The following SEMA5A variants were observed in gnomAD, a reference collection of about 807,000 sequenced individuals.
The protein encoded by SEMA5A is semaphorin 5A, also known as semaphorin-5A.
SEMA5A carries 55 observed loss-of-function variants against 135.5 expected under a neutral mutation model. That is an observed-to-expected ratio of 0.41 (90% CI 0.33 to 0.51). The LOEUF is 0.51. Ranked by LOEUF, SEMA5A falls within the 20% of genes least tolerant of loss-of-function variation. The pLI, the probability that SEMA5A is intolerant of heterozygous loss-of-function variation, is 0.37. For missense variants in SEMA5A, 1,290 were observed against 1,419.9 expected, an observed-to-expected ratio of 0.91 and a Z score of 1.47; for synonymous variants, 580 against 546.5, an observed-to-expected ratio of 1.06 and a Z score of -0.85.
intron 5 of SEMA5A, among the ~76,000 whole-genome samples, chr5:9,239,676 C>G (rs971143617): frequency 7.9e-5 from 12 of 151,838 alleles, no homozygotes; most frequent in African/African-American, 2.9e-4. Context: ...ATTCTTTCAG[C>G]AGAGTAAAAC....
intron 16 of SEMA5A, among the ~76,000 whole-genome samples, chr5:9,071,826 T>C (rs1737784320): frequency 6.6e-6 from 1 of 152,230 alleles, no homozygotes; most frequent in African/African-American, 2.4e-5. Context: ...AAGTTCTCTT[T>C]CAGTAACTAA....
At chr5:9,313,696 G>A (rs534417798) in intron 5 of SEMA5A, among the ~76,000 whole-genome samples, 2 of 152,200 alleles carry the variant, frequency 1.3e-5, no homozygotes, top group African/African-American at 2.4e-5. Context: ...TGCCTCAGAG[G>A]GTCACCAGCC....
chr5:9,125,966 T>A (rs1560940993), intron 13 of SEMA5A, among the ~76,000 whole-genome samples: 1 of 152,172 alleles, frequency 6.6e-6, no homozygotes. Context: ...TGCTTACACA[T>A]CCTCGCCTGC....
intron 11 of SEMA5A, among the ~76,000 whole-genome samples, chr5:9,156,465 G>A (rs2619925): frequency 0.81 from 122,597 of 152,134 alleles, 49,635 homozygotes; most frequent in East Asian, 0.97. Context: ...CAGCCTTCCT[G>A]TGGAGCAGTG....
At chr5:9,113,469 C>T (rs928258818) in intron 15 of SEMA5A, among the ~76,000 whole-genome samples, 2 of 152,002 alleles carry the variant, frequency 1.3e-5, no homozygotes, top group Non-Finnish European at 2.9e-5. Flanking sequence ...ACCACACACA[C>T]AAAAAAGAAA....
chr5:9,181,248 C>T (rs1461438258), intron 11 of SEMA5A, among the ~76,000 whole-genome samples: 2 of 152,172 alleles, frequency 1.3e-5, no homozygotes, highest in Non-Finnish European at 2.9e-5. Context: ...TGAAATGATG[C>T]CCATTGGCAG....
chr5:9,184,307 T>C (rs767992228), intron 11 of SEMA5A, among the ~76,000 whole-genome samples: 3 of 152,050 alleles, frequency 2.0e-5, no homozygotes, highest in Non-Finnish European at 1.5e-5. Flanking sequence ...ATTCTTGGAA[T>C]TTAAAAACTT....
At chr5:9,492,592 T>C (rs1735075704) in intron 1 of SEMA5A, among the ~76,000 whole-genome samples, 1 of 152,230 alleles carries the variant, frequency 6.6e-6, no homozygotes. Flanking sequence ...ATCATCTCCC[T>C]AATGTTTGCA....
chr5:9,209,109 T>A (rs1268097199), intron 8 of SEMA5A, among the ~76,000 whole-genome samples: 1 of 152,216 alleles, frequency 6.6e-6, no homozygotes, highest in Non-Finnish European at 1.5e-5. Flanking sequence ...TTCCCCTAAA[T>A]GAGAAGCACC....
intron 2 of SEMA5A, among the ~76,000 whole-genome samples, chr5:9,393,681 T>C (rs1756263839): frequency 6.6e-6 from 1 of 152,218 alleles, no homozygotes; most frequent in African/African-American, 2.4e-5. Flanking sequence ...AAAAATGCTT[T>C]ATAAATCTTG....
In SEMA5A at chr5:9,108,232, G is replaced by T; in HGVS notation, c.1981C>A (p.Pro661Thr). The T allele has an allele frequency of 6.2e-7, 1 of 1,614,142 alleles. No homozygotes were observed. Among genetic ancestry groups the T allele is most frequent in the Non-Finnish European group, 8.5e-7 (1 of 1,180,036 alleles). Residue 661 changes from proline to threonine, a missense_variant, in exon 16 of 23, where the codon CCT (proline) becomes ACT (threonine). This residue lies in a region of SEMA5A where 1,029 missense variants were observed against 1,086.6 expected (regional missense o/e 0.95). Coordinates refer to ENST00000382496, the MANE Select transcript of SEMA5A (RefSeq NM_003966.3). Reference sequence around the variant, plus strand: ...CATTGGGCTGTGCACCGTTCCCAAGGACCCCAGCCTGTCCAGAACATGTGT... The same window carrying T: ...CATTGGGCTGTGCACCGTTCCCAAGTACCCCAGCCTGTCCAGAACATGTGT... Reference protein sequence around the residue: ...PPHMFWTGWGPWERCTAQCGG... With the variant: ...PPHMFWTGWGTWERCTAQCGG...
chr5:9,160,449 T>C (rs779529401), intron 11 of SEMA5A, among the ~76,000 whole-genome samples: 1 of 152,152 alleles, frequency 6.6e-6, no homozygotes, highest in Non-Finnish European at 1.5e-5. Flanking sequence ...GTAGAAGTTA[T>C]GTGTATAATT....
intron 1 of SEMA5A, among the ~76,000 whole-genome samples, chr5:9,528,604 A>G (rs1737266394): frequency 6.6e-6 from 1 of 152,176 alleles, no homozygotes. Context: ...GTCCACTTCC[A>G]GTATCGAAGC....
At chr5:9,248,839 C>G (rs903455297) in intron 5 of SEMA5A, among the ~76,000 whole-genome samples, 1 of 152,078 alleles carries the variant, frequency 6.6e-6, no homozygotes, top group African/African-American at 2.4e-5. Context: ...AAGTGTGGCC[C>G]GGGGGACCCC....
intron 12 of SEMA5A, among the ~76,000 whole-genome samples, chr5:9,153,304 C>T (rs1485133959): frequency 3.3e-5 from 5 of 152,174 alleles, no homozygotes; most frequent in Admixed American, 6.5e-5. Flanking sequence ...TCCCCAAGGG[C>T]GATCTTTTGT....
chr5:9,201,273 G>C (rs974676757), intron 9 of SEMA5A, among the ~76,000 whole-genome samples: 5 of 152,148 alleles, frequency 3.3e-5, no homozygotes, highest in Non-Finnish European at 7.4e-5. Flanking sequence ...CTGGAGACAT[G>C]TGATACTCCA....
At chr5:9,154,062 A>AAAAT (rs1159261162) in intron 12 of SEMA5A, among the ~76,000 whole-genome samples, 21 of 68,286 alleles carry the variant, frequency 3.1e-4, no homozygotes, top group African/African-American at 6.1e-4. Context: ...AAAAAAAAAA[A>AAAAT]ATATATATAT....
chr5:9,174,824 G>A (rs1744117391), intron 11 of SEMA5A, among the ~76,000 whole-genome samples: 1 of 152,186 alleles, frequency 6.6e-6, no homozygotes, highest in Non-Finnish European at 1.5e-5. Context: ...CACTCCTTCA[G>A]AAAGTCTCTG....
At chr5:9,045,159 C>T (rs537383690) in intron 21 of SEMA5A, among the ~76,000 whole-genome samples, 1 of 152,092 alleles carries the variant, frequency 6.6e-6, no homozygotes, top group Non-Finnish European at 1.5e-5. Flanking sequence ...TAATACTCTA[C>T]CAGAAGCATG....
Sources: gnomAD v4.1 joint callset for allele counts (sites outside exome capture counted in the v4.1 genomes callset) on GRCh38, gnomAD v4.1.1 for gene constraint, gnomAD v4.1.1 regional missense constraint, MANE v1.5 for transcripts, NCBI Gene and HGNC (gene_info 2026-07-23, HGNC 2026-07-21) for gene names.